The following RBFOX1 variants were observed in gnomAD, a reference collection of about 807,000 sequenced individuals.
The protein encoded by RBFOX1 is RNA binding fox-1 homolog 1.
RBFOX1 carries 8 observed loss-of-function variants against 57.7 expected under a neutral mutation model. The observed-to-expected ratio is 0.14, with a 90% CI of 0.08 to 0.25. RBFOX1 has a LOEUF of 0.25. Ranked by LOEUF, RBFOX1 falls within the 10% of genes least tolerant of loss-of-function variation. The pLI is 1.00. For synonymous variants in RBFOX1, 326 were observed against 222.4 expected (o/e 1.47, Z -4.15); for missense variants, 611 against 548.5 (o/e 1.11, Z -1.14).
intron 2 of RBFOX1, among the ~76,000 whole-genome samples, chr16:5,508,864 A>G (rs1165055615): frequency 2.0e-5 from 3 of 152,202 alleles, no homozygotes; most frequent in African/African-American, 7.2e-5. Context: ...CTCATGGTCA[A>G]GTGGACCCGG....
intron 2 of RBFOX1, among the ~76,000 whole-genome samples, chr16:6,379,495 T>C (rs763806493): frequency 5.2e-4 from 79 of 151,900 alleles, no homozygotes; most frequent in South Asian, 8.3e-4. Context: ...TCAGAGTTCA[T>C]AGGAGGGCAT....
intron 4 of RBFOX1, among the ~76,000 whole-genome samples, chr16:7,421,541 G>C (rs933497048): frequency 3.9e-5 from 6 of 152,208 alleles, no homozygotes; most frequent in Non-Finnish European, 7.3e-5. Flanking sequence ...TCTGAGGTCT[G>C]ATGATATTAC....
intron 5 of RBFOX1, among the ~76,000 whole-genome samples, chr16:7,577,872 G>C (rs1172753121): frequency 6.6e-6 from 1 of 152,212 alleles, no homozygotes; most frequent in Non-Finnish European, 1.5e-5. Context: ...TCCAGCCTGA[G>C]TGACAGAGCA....
chr16:5,481,685 C>G (rs922831473), intron 2 of RBFOX1, among the ~76,000 whole-genome samples: 1 of 152,188 alleles, frequency 6.6e-6, no homozygotes, highest in Non-Finnish European at 1.5e-5. Flanking sequence ...GGCTGCCATC[C>G]CAAAGTACCA....
chr16:5,865,513 T>C (rs1222324860), intron 3 of RBFOX1, among the ~76,000 whole-genome samples: 1 of 152,208 alleles, frequency 6.6e-6, no homozygotes, highest in Non-Finnish European at 1.5e-5. Context: ...AGAGGGCTAA[T>C]GGTGCATGAA....
At position 6,383,069 on chromosome 16, in the gene RBFOX1, G is replaced by T. The variant is rs79197787; in HGVS notation, c.-64+66012G>T. Among the ~76,000 whole-genome samples, 1,190 of 152,258 alleles carry T rather than the reference G, an allele frequency of 7.8e-3. 12 individuals are homozygous for T. The highest frequency in any genetic ancestry group is 0.031 in the Middle Eastern group (9 of 294). ...TCTGGTGCCCAAGAAGTTTGTTAAG[G>T]TTGCCCAGTCACTTGCTGACATGTG... is the stretch of plus-strand genomic sequence containing the variant. On this transcript the variant is annotated intron_variant, in intron 2 of 15. Coordinates refer to ENST00000550418, the MANE Select transcript of RBFOX1 (RefSeq NM_018723.4).
intron 3 of RBFOX1, among the ~76,000 whole-genome samples, chr16:6,728,870 T>C (rs4786115): frequency 0.91 from 137,836 of 152,158 alleles, 64,055 homozygotes; most frequent in East Asian, 1. Flanking sequence ...AGAGAAGAAC[T>C]GATGAATTTT....
chr16:5,642,449 A>T (rs1005838513), intron 3 of RBFOX1, among the ~76,000 whole-genome samples: 1 of 152,020 alleles, frequency 6.6e-6, no homozygotes, highest in Non-Finnish European at 1.5e-5. Context: ...CTTGTGCTGG[A>T]CTCTGAGGAT....
chr16:6,720,470 A>C (rs924014904), intron 3 of RBFOX1, among the ~76,000 whole-genome samples: 6 of 152,184 alleles, frequency 3.9e-5, no homozygotes, highest in African/African-American at 1.2e-4. Flanking sequence ...GAATGGACTC[A>C]TACACGACCT....
intron 4 of RBFOX1, among the ~76,000 whole-genome samples, chr16:7,296,101 G>A (rs970397934): frequency 6.6e-6 from 1 of 151,844 alleles, no homozygotes; most frequent in Non-Finnish European, 1.5e-5. Flanking sequence ...TATCTCGGTG[G>A]TTCCCAAATG....
intron 2 of RBFOX1, among the ~76,000 whole-genome samples, chr16:6,640,562 C>T (rs990018551): frequency 2.0e-4 from 30 of 152,174 alleles, no homozygotes; most frequent in African/African-American, 6.5e-4. Context: ...GAGCTGTGAT[C>T]ATGCCACTGC....
chr16:5,997,288 A>G lies in RBFOX1; in HGVS notation c.351+129953A>G, dbSNP rs183799257. ...GGAGCCTGGACCTCTACAGTTAAGG[A>G]GAAGGTAAACAGCCCAGTGTGGCTG... is the stretch of plus-strand genomic sequence containing the variant. On this transcript the variant is annotated intron_variant, in intron 4 of 19. Transcript: ENST00000641259. 6.6e-5 allele frequency among the ~76,000 whole-genome samples: 10 copies of G among 152,346 alleles called. No individual in the cohort carries two copies. The East Asian group carries it at 1.9e-3, about 29-fold the overall frequency.
intron 4 of RBFOX1, among the ~76,000 whole-genome samples, chr16:7,442,553 A>G (rs997898246): frequency 1.3e-5 from 2 of 152,128 alleles, no homozygotes; most frequent in African/African-American, 2.4e-5. Context: ...GCTGGTTTTA[A>G]TGAGCTTGTC....
At chr16:6,755,977 A>C (rs768419245) in intron 3 of RBFOX1, among the ~76,000 whole-genome samples, 1 of 152,182 alleles carries the variant, frequency 6.6e-6, no homozygotes, top group Non-Finnish European at 1.5e-5. Context: ...TCAAATTGCT[A>C]GCTGAGGTCA....
At chr16:6,111,549 C>T (rs1205806205) in intron 1 of RBFOX1, among the ~76,000 whole-genome samples, 1 of 152,148 alleles carries the variant, frequency 6.6e-6, no homozygotes, top group Non-Finnish European at 1.5e-5. Flanking sequence ...AGGCATGTCC[C>T]ATTGGAGTTA....
intron 1 of RBFOX1, among the ~76,000 whole-genome samples, chr16:6,157,009 A>AT (rs1477828463): frequency 5.9e-5 from 9 of 151,478 alleles, no homozygotes; most frequent in South Asian, 2.1e-4. Context: ...TGTTTTTCGC[A>AT]TTTTTTTGTA....
chr16:7,429,801 AC>A (rs1487301536), intron 4 of RBFOX1, among the ~76,000 whole-genome samples: 1 of 152,202 alleles, frequency 6.6e-6, no homozygotes, highest in Non-Finnish European at 1.5e-5. Flanking sequence ...TATTTCCCTA[AC>A]AGCAAACTCT....
chr16:6,916,068 A>G (rs1220092192), intron 3 of RBFOX1, among the ~76,000 whole-genome samples: 1 of 152,104 alleles, frequency 6.6e-6, no homozygotes, highest in Non-Finnish European at 1.5e-5. Context: ...TACTCCCCAG[A>G]CCCAGGGCTT....
chr16:6,917,474 G>T (rs556074375), intron 3 of RBFOX1, among the ~76,000 whole-genome samples: 4 of 152,132 alleles, frequency 2.6e-5, no homozygotes, highest in Non-Finnish European at 5.9e-5. Context: ...TTCTGTCTCC[G>T]CCTTCTTTAA....
Sources: gnomAD v4.1 joint callset for allele counts (sites outside exome capture counted in the v4.1 genomes callset) on GRCh38, gnomAD v4.1.1 for gene constraint, MANE v1.5 for transcripts, NCBI Gene and HGNC (gene_info 2026-07-23, HGNC 2026-07-21) for gene names.